CDH12: variants seen among roughly 807,000 people sequenced by gnomAD.
CDH12 encodes cadherin 12, also known as cadherin-12.
In CDH12, 41 loss-of-function variants were observed where a neutral mutation model predicts 74.1. The observed-to-expected ratio is 0.55, with a 90% confidence interval of 0.43 to 0.72. The LOEUF is 0.72. CDH12 is among the 30% of genes least tolerant of loss of function. The pLI is 0.00. For missense variants in CDH12, 945 were observed against 977.2 expected (o/e 0.97, Z 0.44); for synonymous variants, 399 against 355.0 (o/e 1.12, Z -1.39).
At chr5:22,210,808 G>T (rs1222490397) in intron 4 of CDH12, among the ~76,000 whole-genome samples, 1 of 150,810 alleles carries the variant, frequency 6.6e-6, no homozygotes, top group Non-Finnish European at 1.5e-5. Context: ...GGTTAATGTT[G>T]CCTCTTTCTG....
chr5:22,313,645 C>T (rs1028001858), intron 3 of CDH12, among the ~76,000 whole-genome samples: 1 of 151,976 alleles, frequency 6.6e-6, no homozygotes, highest in Admixed American at 6.6e-5. Context: ...CACTAGGCAG[C>T]CATTAAAAGG....
At chr5:22,290,570 A>C (rs943968112) in intron 3 of CDH12, among the ~76,000 whole-genome samples, 2 of 152,216 alleles carry the variant, frequency 1.3e-5, no homozygotes, top group Non-Finnish European at 2.9e-5. Flanking sequence ...TGTGAACCCA[A>C]AAACAGATTA....
chr5:22,509,153 C>T (rs2126668339), intron 1 of CDH12, among the ~76,000 whole-genome samples: 1 of 152,200 alleles, frequency 6.6e-6, no homozygotes, highest in Middle Eastern at 3.4e-3. Context: ...TTTAAGACAA[C>T]CTAGGACAGG....
chr5:22,445,508 G>A (rs535752588), intron 2 of CDH12, among the ~76,000 whole-genome samples: 5 of 152,002 alleles, frequency 3.3e-5, no homozygotes, highest in Non-Finnish European at 7.4e-5. Context: ...TGAAATCTTC[G>A]CTTATTTTTG....
At chr5:21,785,917 G>T (rs1266042489) in intron 10 of CDH12, among the ~76,000 whole-genome samples, 1 of 152,180 alleles carries the variant, frequency 6.6e-6, no homozygotes, top group Non-Finnish European at 1.5e-5. Context: ...GCAAGAAGAT[G>T]CCATCAAGGA....
chr5:22,691,724 T>G (rs1019113203), intron 1 of CDH12, among the ~76,000 whole-genome samples: 1 of 152,158 alleles, frequency 6.6e-6, no homozygotes, highest in African/African-American at 2.4e-5. Flanking sequence ...GAAGCATCAC[T>G]TTCCCTGACT....
At chr5:22,313,360 A>C (rs2150430468) in intron 3 of CDH12, among the ~76,000 whole-genome samples, 1 of 152,350 alleles carries the variant, frequency 6.6e-6, no homozygotes, top group South Asian at 2.1e-4. Flanking sequence ...AAGTCAAAGA[A>C]GGGATATGAA....
At chr5:22,572,468 T>TGC (rs1739587751) in intron 1 of CDH12, among the ~76,000 whole-genome samples, 1 of 152,126 alleles carries the variant, frequency 6.6e-6, no homozygotes, top group Non-Finnish European at 1.5e-5. Context: ...GGAAGGTAAT[T>TGC]TTCATATGTA....
intron 3 of CDH12, among the ~76,000 whole-genome samples, chr5:22,297,106 C>G (rs1288031416): frequency 2.0e-5 from 3 of 151,942 alleles, no homozygotes; most frequent in Non-Finnish European, 4.4e-5. Context: ...ACTGCAATCT[C>G]CACTTCCCGG....
chr5:21,914,182 G>C (rs576066820), intron 6 of CDH12, among the ~76,000 whole-genome samples: 1 of 152,136 alleles, frequency 6.6e-6, no homozygotes, highest in Admixed American at 6.6e-5. Context: ...GGCTTTTGAC[G>C]TGAAAAACCT....
At chr5:22,138,245 C>A (rs1360819284) in intron 4 of CDH12, among the ~76,000 whole-genome samples, 2 of 151,820 alleles carry the variant, frequency 1.3e-5, no homozygotes, top group African/African-American at 4.8e-5. Context: ...CTTGGCTCAG[C>A]AATTTTGAAG....
intron 3 of CDH12, among the ~76,000 whole-genome samples, chr5:22,344,738 C>G (rs774767577): frequency 6.6e-6 from 1 of 152,136 alleles, no homozygotes; most frequent in Admixed American, 6.5e-5. Context: ...TTTCCAGGAT[C>G]ATTTTGTGTC....
At chr5:22,609,480 A>G (rs931760497) in intron 1 of CDH12, among the ~76,000 whole-genome samples, 2 of 152,156 alleles carry the variant, frequency 1.3e-5, no homozygotes, top group African/African-American at 4.8e-5. Flanking sequence ...AAGTATCTTT[A>G]TATCTCCAAT....
intron 3 of CDH12, among the ~76,000 whole-genome samples, chr5:22,386,537 C>T (rs1481341901): frequency 5.9e-5 from 9 of 152,018 alleles, no homozygotes; most frequent in Non-Finnish European, 1.3e-4. Context: ...CCATCTAGAA[C>T]AATTTTACAT....
At chr5:22,674,748 G>C (rs915828116) in intron 1 of CDH12, among the ~76,000 whole-genome samples, 4 of 152,152 alleles carry the variant, frequency 2.6e-5, no homozygotes, top group Admixed American at 6.5e-5. Flanking sequence ...TTAGGAACTT[G>C]TTGGGAACTG....
chr5:22,037,419 A>T (rs1413858756), intron 5 of CDH12, among the ~76,000 whole-genome samples: 1 of 152,160 alleles, frequency 6.6e-6, no homozygotes, highest in Admixed American at 6.5e-5. Flanking sequence ...AAGACAGATG[A>T]CTGCATCCAC....
intron 5 of CDH12, among the ~76,000 whole-genome samples, chr5:21,982,025 C>T (rs1757327624): frequency 6.6e-6 from 1 of 152,124 alleles, no homozygotes. Context: ...GTCAACTTGA[C>T]TGAGCCATAA....
intron 4 of CDH12, among the ~76,000 whole-genome samples, chr5:22,166,698 A>G (rs994530653): frequency 1.3e-5 from 2 of 152,216 alleles, no homozygotes; most frequent in Non-Finnish European, 2.9e-5. Context: ...TAGTAAAACA[A>G]CTGTAAAATG....
intron 10 of CDH12, among the ~76,000 whole-genome samples, chr5:21,797,167 G>C (rs1203470838): frequency 6.6e-6 from 1 of 151,844 alleles, no homozygotes; most frequent in Non-Finnish European, 1.5e-5. Context: ...CATTGATGTG[G>C]CTCTTTGCTG....
Sources: allele counts gnomAD v4.1 joint callset (sites outside exome capture counted in the v4.1 genomes callset), GRCh38; gene constraint gnomAD v4.1.1; transcripts MANE v1.5; gene names NCBI Gene and HGNC (gene_info 2026-07-23, HGNC 2026-07-21).